The following CBFA2T3 variants were observed in gnomAD, a reference collection of about 807,000 sequenced individuals.
The protein encoded by CBFA2T3 is CBFA2/RUNX1 partner transcriptional co-repressor 3.
Under a neutral mutation model 58.6 loss-of-function variants are expected in CBFA2T3, and 31 were observed. The observed-to-expected ratio is 0.53, with a 90% CI of 0.40 to 0.71. The LOEUF is 0.71. CBFA2T3 is among the 30% of genes least tolerant of loss of function. The pLI, the probability that CBFA2T3 is intolerant of heterozygous loss-of-function variation, is 0.00. For synonymous variants in CBFA2T3, 531 were observed against 421.9 expected, an observed-to-expected ratio of 1.26 and a Z score of -3.17; for missense variants, 1,076 against 963.1, an observed-to-expected ratio of 1.12 and a Z score of -1.55.
intron 1 of CBFA2T3, among the ~76,000 whole-genome samples, chr16:88,931,485 C>G (rs1971298136): frequency 6.6e-6 from 1 of 152,170 alleles, no homozygotes; most frequent in South Asian, 2.1e-4. Flanking sequence ...TCGGCAGAAG[C>G]CCCTTCATGT....
chr16:88,972,412 T>C (rs1252806156), intron 1 of CBFA2T3, among the ~76,000 whole-genome samples: 2 of 152,132 alleles, frequency 1.3e-5, no homozygotes, highest in African/African-American at 2.4e-5. Context: ...CTCTCTCTAT[T>C]ACTAGCTCAT....
chr16:88,876,169 C>T lies in CBFA2T3; in HGVS notation c.*807G>A, dbSNP rs562666679. 10 of 231,968 alleles carry T rather than the reference C, an allele frequency of 4.3e-5. No homozygotes were observed. The South Asian group carries it at 1.6e-3, about 38-fold the overall frequency. 14.4% of individuals were successfully genotyped at this position (231,968 alleles called of 1,614,324 possible). On this transcript the variant is annotated 3_prime_UTR_variant, in exon 12 of 12. Transcript: ENST00000268679. ...TTGCTTTTTTGGATTTCCTTTGGAGCAGAGGTGTGTCCGGTATCCTTGGCT... is the reference window on the plus strand; with the variant it reads ...TTGCTTTTTTGGATTTCCTTTGGAGTAGAGGTGTGTCCGGTATCCTTGGCT...
intron 1 of CBFA2T3, among the ~76,000 whole-genome samples, chr16:88,965,316 G>C (rs114522364): frequency 0.014 from 2,094 of 152,336 alleles, 53 homozygotes; most frequent in African/African-American, 0.046. Flanking sequence ...TGAGCTAAAT[G>C]TGCAGATTTT....
At chr16:88,912,046 C>T (rs1490202446) in intron 1 of CBFA2T3, among the ~76,000 whole-genome samples, 2 of 152,266 alleles carry the variant, frequency 1.3e-5, no homozygotes, top group Admixed American at 6.5e-5. Context: ...GCTGCTGAAC[C>T]GTAGCAGACG....
At chr16:88,957,649 T>C (rs1179950748) in intron 1 of CBFA2T3, 2 of 152,012 alleles carry the variant, frequency 1.3e-5, no homozygotes, top group African/African-American at 4.8e-5. Context: ...CGAGCACAGA[T>C]AAACTCAAAA....
intron 1 of CBFA2T3, among the ~76,000 whole-genome samples, chr16:88,902,233 C>T (rs1327218402): frequency 3.9e-5 from 6 of 152,170 alleles, no homozygotes; most frequent in African/African-American, 1.4e-4. Context: ...AGGGAGAGGC[C>T]GGCAGGCAGG....
chr16:88,937,600 T>G (rs907480188), intron 1 of CBFA2T3: 1 of 152,418 alleles, frequency 6.6e-6, no homozygotes, highest in South Asian at 2.1e-4. Context: ...GTCGGGCTCC[T>G]GCGCTGTGAG....
intron 1 of CBFA2T3, among the ~76,000 whole-genome samples, chr16:88,968,534 G>A (rs1402008655): frequency 6.6e-6 from 1 of 152,232 alleles, no homozygotes; most frequent in Non-Finnish European, 1.5e-5. Flanking sequence ...GGGCAGATCT[G>A]ACTGGCATCT....
intron 11 of CBFA2T3, among the ~76,000 whole-genome samples, chr16:88,878,321 A>G (rs1248740651): frequency 6.6e-6 from 1 of 152,202 alleles, no homozygotes; most frequent in African/African-American, 2.4e-5. Context: ...TGGCCGGTGC[A>G]GAGACCCCTG....
chr16:88,908,876 C>G (rs1433356312), intron 1 of CBFA2T3, among the ~76,000 whole-genome samples: 1 of 152,262 alleles, frequency 6.6e-6, no homozygotes, highest in African/African-American at 2.4e-5. Context: ...CAGGCCTGAC[C>G]TGAGCATTTT....
intron 1 of CBFA2T3, among the ~76,000 whole-genome samples, chr16:88,921,368 G>A (rs1970913645): frequency 1.3e-5 from 2 of 152,196 alleles, no homozygotes; most frequent in South Asian, 2.1e-4. Context: ...CCGATCCTCC[G>A]TGCCACGCCG....
Position 88,977,034 on chromosome 16 carries a change from C to G in CBFA2T3, c.-227G>C. The G allele has an allele frequency of 2.1e-6, 1 of 468,042 alleles. No homozygotes were observed. The highest frequency in any genetic ancestry group is 1.9e-5 in the African/African-American group (1 of 51,800). The allele number at this position is 468,042 out of a possible 1,614,324, so 29.0% of individuals were successfully genotyped here. On this transcript the variant is annotated 5_prime_UTR_variant, in exon 1 of 12. Coordinates refer to ENST00000268679, the MANE Select transcript of CBFA2T3 (RefSeq NM_005187.6). The stretch of plus-strand genomic sequence containing the variant: ...GCCCTGGGGCTCATGTGACGCGGGG[C>G]GGGCCTGGGGCTGCAGGCTGGGGAA...
At chr16:88,971,159 G>C (rs1333158504) in intron 1 of CBFA2T3, among the ~76,000 whole-genome samples, 2 of 152,078 alleles carry the variant, frequency 1.3e-5, no homozygotes, top group Non-Finnish European at 1.5e-5. Context: ...ATCCAGGCTG[G>C]AGTGCAGGGG....
At chr16:88,925,059 G>A (rs933528145) in intron 1 of CBFA2T3, among the ~76,000 whole-genome samples, 1 of 152,234 alleles carries the variant, frequency 6.6e-6, no homozygotes, top group Non-Finnish European at 1.5e-5. Flanking sequence ...CAGCCCAAGG[G>A]GGAAGCAGTG....
intron 1 of CBFA2T3, among the ~76,000 whole-genome samples, chr16:88,929,495 A>G (rs1325034631): frequency 6.6e-6 from 1 of 152,248 alleles, no homozygotes; most frequent in African/African-American, 2.4e-5. Context: ...TAGGAATCCA[A>G]CCAAGAGAAA....
chr16:88,919,402 T>C (rs1970840266), intron 1 of CBFA2T3, among the ~76,000 whole-genome samples: 1 of 152,234 alleles, frequency 6.6e-6, no homozygotes. Flanking sequence ...ATGGCCTTGC[T>C]GAGAGAATTA....
rs367621315 is a variant in CBFA2T3, at chr16:88,885,989, C to T, written c.865G>A (p.Glu289Lys). ...DSSELLLEVN[E>K]NGKRRTPDRT... Reference sequence around the variant, plus strand: ...TCGGGCGTCCTCCTCTTGCCGTTCTCGTTGACTTCCAGTAGCAGCTCTGAG... The same window carrying T: ...TCGGGCGTCCTCCTCTTGCCGTTCTTGTTGACTTCCAGTAGCAGCTCTGAG... The change falls in exon 6 of 12, where the codon GAG (glutamate) becomes AAG (lysine). Residue 289 changes from glutamate to lysine, a missense_variant. Glu to Lys is a moderately conservative substitution (Grantham distance 56). Coordinates refer to ENST00000268679, the MANE Select transcript of CBFA2T3 (RefSeq NM_005187.6). The surrounding 1 kb of genome is among the most constrained non-coding windows in gnomAD (Gnocchi z 5.3). 149 of 1,553,248 alleles carry T rather than the reference C, an allele frequency of 9.6e-5. No homozygotes were observed. The highest frequency in any genetic ancestry group is 1.1e-4 in the Non-Finnish European group (124 of 1,149,248).
chr16:88,949,379 C>T (rs1432230504), intron 1 of CBFA2T3, among the ~76,000 whole-genome samples: 3 of 151,882 alleles, frequency 2.0e-5, no homozygotes, highest in Non-Finnish European at 2.9e-5. Flanking sequence ...GCCAACATGG[C>T]GAAACCCTAT....
chr16:88,904,936 G>C (rs1312120321), intron 1 of CBFA2T3, among the ~76,000 whole-genome samples: 1 of 152,172 alleles, frequency 6.6e-6, no homozygotes, highest in African/African-American at 2.4e-5. Flanking sequence ...ACCAGGCCAA[G>C]GCTCATGGAG....
Sources: gnomAD v4.1 joint callset for allele counts (sites outside exome capture counted in the v4.1 genomes callset) on GRCh38, gnomAD v4.1.1 for gene constraint, Gnocchi (gnomAD v3.1) non-coding constraint, MANE v1.5 for transcripts, NCBI Gene and HGNC (gene_info 2026-07-23, HGNC 2026-07-21) for gene names.